The following DCUN1D1 variants were observed in gnomAD, a reference collection of about 807,000 sequenced individuals.
DCUN1D1 encodes defective in cullin neddylation 1 domain containing 1, also known as DCN1-like protein 1.
In DCUN1D1, 3 loss-of-function variants were observed where a neutral mutation model predicts 39.0. The ratio of observed to expected loss-of-function variants is 0.08; its 90% confidence interval spans 0.04 to 0.20. The LOEUF (loss-of-function observed/expected upper bound fraction) is 0.20. DCUN1D1 is among the 10% of genes least tolerant of loss of function. DCUN1D1 has a pLI of 1.00. For synonymous variants in DCUN1D1, 82 were observed against 96.3 expected, an observed-to-expected ratio of 0.85 and a Z score of 0.87; for missense variants, 158 against 302.4, an observed-to-expected ratio of 0.52 and a Z score of 3.54.
chr3:182,959,038 T>C (rs1480807757), intron 4 of DCUN1D1, among the ~76,000 whole-genome samples: 1 of 152,218 alleles, frequency 6.6e-6, no homozygotes, highest in Non-Finnish European at 1.5e-5. Flanking sequence ...ATAATTATTT[T>C]ACACATACAT....
chr3:182,961,591 T>C (rs1202047018), intron 3 of DCUN1D1, among the ~76,000 whole-genome samples: 1 of 152,212 alleles, frequency 6.6e-6, no homozygotes, highest in Non-Finnish European at 1.5e-5. Context: ...AGAAACAGGC[T>C]ATTCGTTTTA....
At position 182,964,630 on chromosome 3, in the gene DCUN1D1, C is replaced by T. The variant is rs1727571235; in HGVS notation, c.221-581G>A. 2.7e-5 allele frequency among the ~76,000 whole-genome samples: 4 copies of T among 149,814 alleles called. No homozygotes were observed. In the South Asian group the frequency reaches 8.4e-4, roughly 31 times the overall value. On this transcript the variant is annotated intron_variant, in intron 2 of 6. Coordinates refer to ENST00000292782, the MANE Select transcript of DCUN1D1 (RefSeq NM_020640.4). Reference sequence around the variant, plus strand: ...TGCTATCAAATATGATTTACTAACACCTTTCTTTTTTTTTTTTTTTTTTTT... The same window carrying T: ...TGCTATCAAATATGATTTACTAACATCTTTCTTTTTTTTTTTTTTTTTTTT...
At chr3:182,958,730 T>C (rs977725894) in intron 4 of DCUN1D1, among the ~76,000 whole-genome samples, 1 of 152,192 alleles carries the variant, frequency 6.6e-6, no homozygotes, top group African/African-American at 2.4e-5. Context: ...TTCTTCAACA[T>C]AATGCTTTCA....
At chr3:182,957,063 C>G (rs368106972) in intron 4 of DCUN1D1, among the ~76,000 whole-genome samples, 40 of 152,280 alleles carry the variant, frequency 2.6e-4, no homozygotes, top group African/African-American at 9.6e-4. Context: ...TAATTTTAGC[C>G]TTTATCAGTG....
upstream of DCUN1D1, chr3:182,980,931 G>C (rs1728522642): frequency 6.6e-6 from 1 of 152,416 alleles, no homozygotes; most frequent in African/African-American, 2.4e-5. Context: ...AGCAGCTGGG[G>C]GCGGCTGAAA....
intron 4 of DCUN1D1, among the ~76,000 whole-genome samples, chr3:182,954,441 T>G (rs1434424417): frequency 6.6e-6 from 1 of 152,206 alleles, no homozygotes; most frequent in Admixed American, 6.5e-5. Context: ...AAATTCAGAA[T>G]AATTTCCAAC....
chr3:182,953,064 C>T (rs1408566967), intron 4 of DCUN1D1, among the ~76,000 whole-genome samples: 2 of 152,200 alleles, frequency 1.3e-5, no homozygotes, highest in Non-Finnish European at 2.9e-5. Flanking sequence ...TGTTCTTTCA[C>T]CTCTGAGCAA....
At chr3:182,948,776 G>A (rs953839866) in intron 4 of DCUN1D1, among the ~76,000 whole-genome samples, 1 of 152,040 alleles carries the variant, frequency 6.6e-6, no homozygotes, top group Admixed American at 6.6e-5. Flanking sequence ...AGAGCCAGGC[G>A]GGGTGGCTCA....
intron 4 of DCUN1D1, among the ~76,000 whole-genome samples, chr3:182,954,712 T>C (rs1211532300): frequency 6.6e-6 from 1 of 152,214 alleles, no homozygotes; most frequent in Non-Finnish European, 1.5e-5. Flanking sequence ...TGCTTCTGCT[T>C]TTTAACATGC....
At chr3:182,956,549 A>G (rs1424313460) in intron 4 of DCUN1D1, among the ~76,000 whole-genome samples, 5 of 152,218 alleles carry the variant, frequency 3.3e-5, no homozygotes, top group Non-Finnish European at 7.3e-5. Flanking sequence ...GGAGAAGATA[A>G]TATGCTTTTA....
In DCUN1D1 at chr3:182,961,335, T is replaced by C. The variant is rs922433283; in HGVS notation, c.411A>G (p.Leu137=). The change falls in exon 4 of 7, where the codon CTA becomes CTG. Residue 137 remains leucine (L), a synonymous_variant. Transcript: ENST00000292782. The part of the protein sequence containing the change: ...TELGCDSIEK[L]KAQIPKMEQE... Reference sequence around the variant, plus strand: ...GTTCCATCTTGGGTATCTGGGCCTTTAGTTTTTCTATGCTGTCACATCTGC... The same window carrying C: ...GTTCCATCTTGGGTATCTGGGCCTTCAGTTTTTCTATGCTGTCACATCTGC... 6 of 1,601,526 alleles carry C rather than the reference T, an allele frequency of 3.7e-6. No individual in the cohort carries two copies. The highest frequency in any genetic ancestry group is 1.7e-4 in the Middle Eastern group (1 of 5,870).
upstream of DCUN1D1, among the ~76,000 whole-genome samples, chr3:182,985,048 G>A (rs935113351): frequency 6.6e-5 from 10 of 152,176 alleles, no homozygotes; most frequent in African/African-American, 2.4e-4. Context: ...AAGGGTAAAT[G>A]CGATTGACTG....
Position 182,961,326 on chromosome 3 carries a change from C to G in DCUN1D1, c.420G>C (p.Gln140His). The G allele has an allele frequency of 6.2e-7, 1 of 1,603,892 alleles. No homozygotes were observed. The highest frequency in any genetic ancestry group is 8.5e-7 in the Non-Finnish European group (1 of 1,176,370). ...TCAATTCTTGTTCCATCTTGGGTAT[C>G]TGGGCCTTTAGTTTTTCTATGCTGT... ...GCDSIEKLKAQIPKMEQELKE... is the reference protein window; with the variant it reads ...GCDSIEKLKAHIPKMEQELKE... The change falls in exon 4 of 7, where the codon CAG becomes CAC. Residue 140 changes from glutamine to histidine, a missense_variant. Transcript: ENST00000292782.
rs1297848685 is a variant in DCUN1D1 at position 182,938,899 on chromosome 3, T to C, written c.*6195A>G. 1.3e-5 allele frequency: 2 copies of C among 152,496 alleles called. No homozygotes were observed. The highest frequency in any genetic ancestry group is 1.3e-4 in the Admixed American group (2 of 15,286). 9.4% of individuals were successfully genotyped at this position (152,496 alleles called of 1,614,324 possible). On this transcript the variant is annotated 3_prime_UTR_variant, in exon 7 of 7. Transcript: ENST00000292782. ...GGCTAGTCGAGTAGCTGTATCAACC[T>C]TGGTACAAACAATAACAGAGCCAAA...
At chr3:182,956,639 C>A (rs1046222440) in intron 4 of DCUN1D1, among the ~76,000 whole-genome samples, 2 of 152,124 alleles carry the variant, frequency 1.3e-5, no homozygotes, top group Non-Finnish European at 2.9e-5. Flanking sequence ...TACAATTGTT[C>A]CTAAATATTA....
chr3:182,969,266 G>A (rs760108261), intron 1 of DCUN1D1, among the ~76,000 whole-genome samples: 3 of 152,202 alleles, frequency 2.0e-5, no homozygotes, highest in African/African-American at 4.8e-5. Flanking sequence ...TAGGGGAGCT[G>A]TAACACTCCC....
intron 4 of DCUN1D1, among the ~76,000 whole-genome samples, chr3:182,959,961 A>G (rs539397255): frequency 2.2e-4 from 33 of 152,284 alleles, no homozygotes; most frequent in Non-Finnish European, 2.5e-4. Flanking sequence ...TCCTCACAGG[A>G]GTCCACTTCC....
intron 4 of DCUN1D1, among the ~76,000 whole-genome samples, chr3:182,960,856 C>G (rs1727343575): frequency 6.6e-6 from 1 of 152,036 alleles, no homozygotes; most frequent in Admixed American, 6.5e-5. Context: ...TTCTATGACT[C>G]AGAAATCTTA....
intron 3 of DCUN1D1, among the ~76,000 whole-genome samples, chr3:182,963,378 T>C (rs1018728267): frequency 5.3e-5 from 8 of 152,200 alleles, no homozygotes; most frequent in Non-Finnish European, 1.0e-4. Flanking sequence ...ATTACTTCTG[T>C]CTGCAACCTC....
Sources: allele counts gnomAD v4.1 joint callset (sites outside exome capture counted in the v4.1 genomes callset), GRCh38; gene constraint gnomAD v4.1.1; transcripts MANE v1.5; gene names NCBI Gene and HGNC (gene_info 2026-07-23, HGNC 2026-07-21).